TTC34: variants seen among roughly 807,000 people sequenced by gnomAD.
TTC34 encodes the protein tetratricopeptide repeat domain 34, also known as tetratricopeptide repeat protein 34.
In TTC34, 44 loss-of-function variants were observed where a neutral mutation model predicts 40.7. The ratio of observed to expected loss-of-function variants is 1.08; its 90% CI spans 0.85 to 1.39. The LOEUF is 1.39. TTC34 is among the 40% of genes most tolerant of loss of function. The probability of loss-of-function intolerance (pLI) is 0.00; values close to 1 mark genes in which losing one functional copy is unlikely to be tolerated. For missense variants in TTC34, 884 were observed against 838.0 expected (o/e 1.05, Z -0.68); for synonymous variants, 422 against 398.6 (o/e 1.06, Z -0.70).
intron 6 of TTC34, among the ~76,000 whole-genome samples, chr1:2,767,611 C>A (rs1181221758): frequency 9.9e-6 from 1 of 101,470 alleles, no homozygotes; most frequent in Admixed American, 9.8e-5. Flanking sequence ...CACCCCCAGG[C>A]GAGCATCTGA....
rs74047781 is a variant in TTC34 at position 2,786,902 on chromosome 1, C to T, written c.1854+579G>A. ...CTGGGCAGGGCAAGGAGATCAGGAC[C>T]CAAACCGGGCCCCAGGGGGAGGAAG... is the stretch of plus-strand genomic sequence containing the variant. On this transcript the variant is annotated intron_variant, in intron 4 of 8. Transcript: ENST00000401095. Among the ~76,000 whole-genome samples, 967 of 152,300 alleles carry T rather than the reference C, an allele frequency of 6.3e-3. 16 individuals are homozygous for T. The highest frequency in any genetic ancestry group is 0.022 in the African/African-American group (910 of 41,566).
chr1:2,751,951 T>A (rs1344260109), intron 6 of TTC34, among the ~76,000 whole-genome samples: 1 of 38,892 alleles, frequency 2.6e-5, no homozygotes. Context: ...CATCGGAGAG[T>A]CTGGAGCAGC....
intron 6 of TTC34, among the ~76,000 whole-genome samples, chr1:2,753,264 A>G (rs1641386552): frequency 1.6e-5 from 2 of 121,254 alleles, no homozygotes; most frequent in African/African-American, 3.5e-5. Context: ...ACCCCAGGTG[A>G]GCATCTGACA....
At chr1:2,688,224 C>A (rs1290739165) in intron 6 of TTC34, among the ~76,000 whole-genome samples, 3 of 46,958 alleles carry the variant, frequency 6.4e-5, no homozygotes, top group African/African-American at 2.2e-4. Context: ...GGGGAGCATC[C>A]GACAGCCTGG....
intron 6 of TTC34, among the ~76,000 whole-genome samples, chr1:2,648,839 G>A (rs1639071228): frequency 1.4e-5 from 2 of 147,104 alleles, no homozygotes; most frequent in African/African-American, 5.1e-5. Flanking sequence ...GCATTCTCCA[G>A]CCCCAGGTGA....
At chr1:2,692,067 C>G (rs868338592) in intron 6 of TTC34, among the ~76,000 whole-genome samples, 1 of 122,300 alleles carries the variant, frequency 8.2e-6, no homozygotes, top group Non-Finnish European at 1.8e-5. Flanking sequence ...ACCCACACCC[C>G]CAGGTGAACA....
intron 8 of TTC34, among the ~76,000 whole-genome samples, chr1:2,643,128 A>G (rs1557578687): frequency 6.6e-6 from 1 of 152,054 alleles, no homozygotes; most frequent in Non-Finnish European, 1.5e-5. Context: ...GGGAGCCCCC[A>G]GGCCGCCCCA....
intron 8 of TTC34, 127 bp downstream of exon 8, chr1:2,644,137 C>A (rs1638969874): frequency 1.9e-6 from 2 of 1,069,140 alleles, no homozygotes; most frequent in Admixed American, 2.5e-5. Flanking sequence ...CACCCCACCC[C>A]AAACCTAACT....
chr1:2,765,805 A>G (rs1641773606), intron 6 of TTC34, among the ~76,000 whole-genome samples: 2 of 11,990 alleles, frequency 1.7e-4, no homozygotes, highest in Non-Finnish European at 1.3e-4. Context: ...CCCCCGGGCG[A>G]GCATCTGACA....
intron 6 of TTC34, among the ~76,000 whole-genome samples, chr1:2,685,233 C>CT (rs1281634540): frequency 3.2e-3 from 227 of 69,860 alleles, no homozygotes; most frequent in Non-Finnish European, 4.8e-3. Flanking sequence ...GGAGCAGCAC[C>CT]CACACCCCAG....
chr1:2,788,821 C>A (rs1002332503), intron 3 of TTC34, among the ~76,000 whole-genome samples: 2 of 152,178 alleles, frequency 1.3e-5, no homozygotes, highest in Non-Finnish European at 2.9e-5. Context: ...AGGCCAGGCG[C>A]GGTGGCTCAC....
chr1:2,783,604 G>A lies in TTC34; in HGVS notation c.2226+5C>T, dbSNP rs772941447. 59 of 1,407,002 alleles carry A rather than the reference G, an allele frequency of 4.2e-5. No homozygotes were observed. The highest frequency in any genetic ancestry group is 8.4e-5 in the East Asian group (3 of 35,826). The allele number at this position is 1,407,002 out of a possible 1,614,324, so 87.2% of individuals were successfully genotyped here. On this transcript the variant is annotated splice_donor_5th_base_variant and intron_variant, in intron 6 of 8. Coordinates refer to ENST00000401095, the Ensembl canonical transcript of TTC34. ...CCCAGGCCCAGGTCAGGAGTGGGGCGGCACCTGCAGCTGGTCTAGGGCCAG... is the reference window on the plus strand; with the variant it reads ...CCCAGGCCCAGGTCAGGAGTGGGGCAGCACCTGCAGCTGGTCTAGGGCCAG...
At position 2,791,711 on chromosome 1, in the gene TTC34, G is replaced by A. The variant is rs146304914; in HGVS notation, c.785-1365C>T. ...CACAACATTACCCCTGATTTTTGCA[G>A]TGGCTCATGGATCCGAGGGAGCTGC... On this transcript the variant is annotated intron_variant, in intron 2 of 8. Transcript: ENST00000401095. Among the ~76,000 whole-genome samples the A allele has an allele frequency of 2.3e-3, 343 of 152,212 alleles. 2 individuals carry two copies. The highest frequency in any genetic ancestry group is 7.9e-3 in the African/African-American group (327 of 41,538).
At chr1:2,748,552 C>G (rs1289159420) in intron 6 of TTC34, among the ~76,000 whole-genome samples, 4,222 of 38,218 alleles carry the variant, frequency 0.11, 2 homozygotes, top group East Asian at 0.19. Context: ...CCTGGAACAG[C>G]AACCACACCA....
At chr1:2,673,340 G>T (rs1384459149) in intron 6 of TTC34, among the ~76,000 whole-genome samples, 1 of 79,972 alleles carries the variant, frequency 1.3e-5, no homozygotes, top group Non-Finnish European at 3.1e-5. Context: ...CCGGCAGCCT[G>T]GAGCGGAACC....
chr1:2,687,515 A>C (rs1330348658), intron 6 of TTC34, among the ~76,000 whole-genome samples: 1 of 147,306 alleles, frequency 6.8e-6, no homozygotes, highest in Non-Finnish European at 1.5e-5. Context: ...ATCCTTGAGC[A>C]GCACCCACAC....
intron 6 of TTC34, among the ~76,000 whole-genome samples, chr1:2,671,668 CA>C (rs1639705161): frequency 6.7e-6 from 1 of 149,294 alleles, no homozygotes; most frequent in Non-Finnish European, 1.5e-5. Flanking sequence ...GCAGCGCCCA[CA>C]ACCCCAGGCG....
exon 4 of TTC34, chr1:2,787,561 G>A (rs996568807): frequency 1.7e-5 from 26 of 1,544,478 alleles, no homozygotes; most frequent in Admixed American, 3.9e-5. Flanking sequence ...TGGGGCCTCC[G>A]GGATAGGGCC....
chr1:2,686,799 A>C (rs1252932982), intron 6 of TTC34, among the ~76,000 whole-genome samples: 1 of 122,476 alleles, frequency 8.2e-6, no homozygotes. Flanking sequence ...ATCAGCACCC[A>C]CACCCCCAGG....
Sources: allele counts gnomAD v4.1 joint callset (sites outside exome capture counted in the v4.1 genomes callset), GRCh38; gene constraint gnomAD v4.1.1; transcripts MANE v1.5; gene names NCBI Gene and HGNC (gene_info 2026-07-23, HGNC 2026-07-21).